Variants in ZNG1C observed in about 807,000 individuals in gnomAD.
ZNG1C encodes Zn regulated GTPase metalloprotein activator 1C.
chr9:68,297,284 C>T, the ZNG1C span, among the ~76,000 whole-genome samples: 3 of 144,224 alleles, frequency 2.1e-5, no homozygotes, highest in South Asian at 4.4e-4. Flanking sequence ...TGAGAATCCA[C>T]GAAAGAATGA....
chr9:68,250,153 GCTTCTAA>G, the ZNG1C span, among the ~76,000 whole-genome samples: 2 of 90,472 alleles, frequency 2.2e-5, no homozygotes, highest in East Asian at 4.8e-4. Flanking sequence ...AATGTTTCTT[GCTTCTAA>G]CTTTCTTTAC....
At chr9:68,267,229 T>A in the ZNG1C span, among the ~76,000 whole-genome samples, 1 of 152,400 alleles carries the variant, frequency 6.6e-6, no homozygotes, top group South Asian at 2.1e-4. Flanking sequence ...TAGTATATAT[T>A]ATAAATTGAA....
chr9:68,299,292 G>A, the ZNG1C span: 1 of 1,239,714 alleles, frequency 8.1e-7, no homozygotes, highest in Non-Finnish European at 1.1e-6. Flanking sequence ...TTTTAGAAAA[G>A]TGGTTAATCC....
the ZNG1C span, among the ~76,000 whole-genome samples, chr9:68,267,187 A>C: frequency 6.6e-6 from 1 of 152,294 alleles, no homozygotes; most frequent in Non-Finnish European, 1.5e-5. Flanking sequence ...AGTTCTACTG[A>C]CTAGATTTTC....
At chr9:68,264,855 A>ATATATATATATGTGTGTGTG in the ZNG1C span, among the ~76,000 whole-genome samples, 2 of 72,260 alleles carry the variant, frequency 2.8e-5, no homozygotes, top group African/African-American at 1.0e-4. Flanking sequence ...ATATATATAT[A>ATATATATATATGTGTGTGTG]TGTATAATAA....
chr9:68,288,647 ATTTTTT>A, the ZNG1C span, among the ~76,000 whole-genome samples: 6,916 of 57,248 alleles, frequency 0.12, 29 homozygotes, highest in South Asian at 0.22. Flanking sequence ...TAATTTTTGT[ATTTTTT>A]TTTTTTTTTT....
the ZNG1C span, among the ~76,000 whole-genome samples, chr9:68,286,879 T>A: frequency 1.6e-5 from 2 of 129,022 alleles, no homozygotes; most frequent in Non-Finnish European, 3.3e-5. Flanking sequence ...TTAAAATGAA[T>A]AAATGAGAGA....
chr9:68,275,443 T>A, the ZNG1C span, among the ~76,000 whole-genome samples: 1 of 149,446 alleles, frequency 6.7e-6, no homozygotes. Flanking sequence ...TCATCTAGCA[T>A]TAGTTATATC....
the ZNG1C span, chr9:68,269,548 C>A: frequency 1.1e-4 from 6 of 57,060 alleles, no homozygotes; most frequent in East Asian, 4.1e-3. Flanking sequence ...TTATTAAGCT[C>A]ATTTTTTTTT....
the ZNG1C span, among the ~76,000 whole-genome samples, chr9:68,288,647 A>ATTTT: frequency 3.9e-4 from 22 of 56,932 alleles, no homozygotes; most frequent in South Asian, 7.0e-4. Flanking sequence ...TAATTTTTGT[A>ATTTT]TTTTTTTTTT....
the ZNG1C span, among the ~76,000 whole-genome samples, chr9:68,256,643 A>G: frequency 3.1e-5 from 4 of 128,668 alleles, no homozygotes; most frequent in Non-Finnish European, 6.5e-5. Flanking sequence ...TTATTATGGC[A>G]TCGGTAGAAG....
the ZNG1C span, among the ~76,000 whole-genome samples, chr9:68,291,793 C>T: frequency 6.6e-6 from 1 of 151,678 alleles, no homozygotes; most frequent in African/African-American, 2.4e-5. Flanking sequence ...GTTCTAGAGC[C>T]CAACACATCA....
chr9:68,296,668 T>C, the ZNG1C span, among the ~76,000 whole-genome samples: 2 of 152,006 alleles, frequency 1.3e-5, no homozygotes, highest in African/African-American at 4.8e-5. Flanking sequence ...TTTCTACCTT[T>C]TTAAATTCAT....
the ZNG1C span, among the ~76,000 whole-genome samples, chr9:68,256,088 G>C: frequency 2.6e-5 from 4 of 152,282 alleles, no homozygotes; most frequent in Admixed American, 1.3e-4. Context: ...AGTGATGCTT[G>C]GGGGACCACA....
the ZNG1C span, among the ~76,000 whole-genome samples, chr9:68,265,084 G>T: frequency 7.5e-6 from 1 of 132,680 alleles, no homozygotes; most frequent in Non-Finnish European, 1.6e-5. Flanking sequence ...TAGAGATGGG[G>T]TTTCACCATG....
the ZNG1C span, among the ~76,000 whole-genome samples, chr9:68,271,867 G>C: frequency 6.6e-6 from 1 of 150,982 alleles, no homozygotes; most frequent in Non-Finnish European, 1.5e-5. Context: ...CGAGGTATAG[G>C]AAATACAGGA....
the ZNG1C span, among the ~76,000 whole-genome samples, chr9:68,296,593 G>A: frequency 1.3e-5 from 2 of 152,264 alleles, no homozygotes; most frequent in Non-Finnish European, 2.9e-5. Flanking sequence ...GTAATGGTGA[G>A]TAAAATTGCT....
chr9:68,284,893 A>C, the ZNG1C span, among the ~76,000 whole-genome samples: 1 of 130,170 alleles, frequency 7.7e-6, no homozygotes, highest in Non-Finnish European at 1.6e-5. Flanking sequence ...GTTCGTTGTT[A>C]GATTTTTTTT....
At chr9:68,244,715 A>G in the ZNG1C span, among the ~76,000 whole-genome samples, 1 of 115,060 alleles carries the variant, frequency 8.7e-6, no homozygotes, top group Non-Finnish European at 1.8e-5. Flanking sequence ...TCTACTGGAG[A>G]TTGACATATT....
Sources: allele counts gnomAD v4.1 joint callset (sites outside exome capture counted in the v4.1 genomes callset), GRCh38; gene constraint gnomAD v4.1.1; transcripts MANE v1.5; gene names NCBI Gene and HGNC (gene_info 2026-07-23, HGNC 2026-07-21).